Variants in BRAF observed in about 807,000 individuals in gnomAD.
The protein encoded by BRAF is serine/threonine-protein kinase B-raf.
A neutral mutation model predicts 104.6 loss-of-function variants in BRAF; 16 were observed. The ratio of observed to expected loss-of-function variants is 0.15; its 90% CI spans 0.10 to 0.23. BRAF has a LOEUF of 0.23. Ranked by LOEUF, BRAF falls within the 10% of genes least tolerant of loss-of-function variation. The pLI is 1.00. For synonymous variants in BRAF, 310 were observed against 341.6 expected (o/e 0.91, Z 1.02); for missense variants, 541 against 937.3 (o/e 0.58, Z 5.52).
chr7:140,850,100 C>G lies in BRAF; in HGVS notation c.240+11G>C. ...TTTCAAAATTACTAGATATGATACT[C>G]AAAAGCTTACCTCCAGATATATTGA... is the stretch of plus-strand genomic sequence containing the variant. On this transcript the variant is annotated intron_variant, in intron 2 of 19. Coordinates refer to ENST00000644969, the MANE Select transcript of BRAF (RefSeq NM_001374258.1). 6.3e-7 allele frequency: 1 copy of G among 1,576,592 alleles called. No individual in the cohort carries two copies. Among genetic ancestry groups the G allele is most frequent in the Non-Finnish European group, 8.7e-7 (1 of 1,148,748 alleles).
At chr7:140,749,972 A>T (rs1217407987) in intron 16 of BRAF, among the ~76,000 whole-genome samples, 1 of 152,226 alleles carries the variant, frequency 6.6e-6, no homozygotes, top group Admixed American at 6.5e-5. Flanking sequence ...CATGCCATGG[A>T]TGCTTTATTA....
intron 1 of BRAF, among the ~76,000 whole-genome samples, chr7:140,906,340 T>C (rs936567853): frequency 1.1e-4 from 17 of 152,160 alleles, no homozygotes; most frequent in African/African-American, 4.1e-4. Flanking sequence ...TAGCTGGGGC[T>C]ATGGGCATGC....
chr7:140,794,437 T>C lies in BRAF; in HGVS notation c.1011A>G (p.Ser337=). 1 of 1,614,110 alleles carries C rather than the reference T, an allele frequency of 6.2e-7. No homozygotes were observed. Among genetic ancestry groups the C allele is most frequent in the Non-Finnish European group, 8.5e-7 (1 of 1,180,008 alleles). Residue 337 remains serine, a synonymous_variant, in exon 8 of 20, where the codon TCA becomes TCG. Coordinates refer to ENST00000644969, the MANE Select transcript of BRAF (RefSeq NM_001374258.1). ...AGGGCTGTGGAATTGGAATGGATTT[T>C]GAAGGAGACGGACTGGTGAGAATTT... The part of the protein sequence containing the change: ...GPQILTSPSP[S]KSIPIPQPFR...
Position 140,800,480 on chromosome 7 carries a change from A to G in BRAF, c.862T>C (p.Leu288=), listed in dbSNP as rs773839216. 1 of 1,614,170 alleles carries G rather than the reference A, an allele frequency of 6.2e-7. No individual in the cohort carries two copies. ...TCAAAGAACTTGGAGACAAACAGCA[A>G]ACTGTGAGGCAAAACAAAACAAACC... The part of the protein sequence containing the change: ...LMCVNYDQLD[L]LFVSKFFEHH... Residue 288 remains leucine (L), a splice_region_variant and synonymous_variant, in exon 7 of 20, where the codon TTG becomes CTG. Transcript: ENST00000644969.
intron 14 of BRAF, chr7:140,773,236 T>A (rs1471072559): frequency 6.6e-6 from 1 of 152,202 alleles, no homozygotes; most frequent in Non-Finnish European, 1.5e-5. Context: ...TATCCAGCGA[T>A]ACTCTTACTT....
intron 9 of BRAF, among the ~76,000 whole-genome samples, chr7:140,787,162 G>A (rs866648411): frequency 2.6e-5 from 4 of 151,740 alleles, no homozygotes; most frequent in Non-Finnish European, 4.4e-5. Context: ...TTAGCCGGGC[G>A]TGGTAGCAGG....
chr7:140,793,551 T>A (rs56306802), intron 8 of BRAF, among the ~76,000 whole-genome samples: 1 of 152,106 alleles, frequency 6.6e-6, no homozygotes, highest in African/African-American at 2.4e-5. Context: ...GTTTCAATTA[T>A]ATGCTAATTT....
chr7:140,857,958 T>A (rs1379331702), intron 1 of BRAF, among the ~76,000 whole-genome samples: 1 of 152,172 alleles, frequency 6.6e-6, no homozygotes, highest in African/African-American at 2.4e-5. Context: ...AACTGAACTT[T>A]AAATGAAAAA....
intron 1 of BRAF, among the ~76,000 whole-genome samples, chr7:140,905,692 T>C (rs909375972): frequency 7.4e-6 from 1 of 135,774 alleles, no homozygotes; most frequent in Non-Finnish European, 1.7e-5. Context: ...TGGTTCTTTC[T>C]TTTCTTCACT....
intron 2 of BRAF, among the ~76,000 whole-genome samples, chr7:140,843,657 A>T (rs1808231177): frequency 6.6e-6 from 1 of 152,198 alleles, no homozygotes; most frequent in Non-Finnish European, 1.5e-5. Context: ...TATATATACA[A>T]CACATACATA....
intron 17 of BRAF, among the ~76,000 whole-genome samples, chr7:140,743,940 T>C (rs1797143826): frequency 6.6e-6 from 1 of 152,256 alleles, no homozygotes; most frequent in African/African-American, 2.4e-5. Flanking sequence ...AATGACAAGT[T>C]ACTATGTAAA....
intron 10 of BRAF, among the ~76,000 whole-genome samples, chr7:140,785,388 CCACT>C (rs1386205330): frequency 1.3e-5 from 2 of 152,256 alleles, no homozygotes; most frequent in South Asian, 2.1e-4. Context: ...TTATTCCCAC[CCACT>C]AAGTTTAAGA....
chr7:140,722,504 T>A lies in BRAF; in HGVS notation c.*3990A>T. The A allele has an allele frequency of 9.5e-7, 1 of 1,056,370 alleles. No individual in the cohort carries two copies. 65.4% of individuals were successfully genotyped at this position (1,056,370 alleles called of 1,614,324 possible). ...ACCTACACCATTTCAACTCATGACCTGTAAGCTATTTGCTGTTCATACTCA... is the reference window on the plus strand; with the variant it reads ...ACCTACACCATTTCAACTCATGACCAGTAAGCTATTTGCTGTTCATACTCA... On this transcript the variant is annotated 3_prime_UTR_variant, in exon 20 of 20. Coordinates refer to ENST00000644969, the MANE Select transcript of BRAF (RefSeq NM_001374258.1).
At chr7:140,772,105 G>C (rs1354604275) in intron 14 of BRAF, among the ~76,000 whole-genome samples, 1 of 152,116 alleles carries the variant, frequency 6.6e-6, no homozygotes, top group Non-Finnish European at 1.5e-5. Context: ...AATTAAAACA[G>C]AGAACCAAAC....
intron 1 of BRAF, among the ~76,000 whole-genome samples, chr7:140,879,619 T>C (rs1049581860): frequency 6.6e-6 from 1 of 151,216 alleles, no homozygotes; most frequent in African/African-American, 2.4e-5. Context: ...AACAATTACC[T>C]GGGCCTTCAA....
At chr7:140,884,433 G>A (rs953595130) in intron 1 of BRAF, among the ~76,000 whole-genome samples, 17 of 73,314 alleles carry the variant, frequency 2.3e-4, no homozygotes, top group African/African-American at 9.1e-4. Flanking sequence ...TAAGATATGT[G>A]TGTGTGTGTG....
intron 1 of BRAF, among the ~76,000 whole-genome samples, chr7:140,889,818 C>A (rs116488660): frequency 0.01 from 1,527 of 152,244 alleles, 30 homozygotes; most frequent in African/African-American, 0.035. Flanking sequence ...TTAATAATCT[C>A]ATGAAAACAG....
At chr7:140,754,686 A>C (rs1330607243) in intron 14 of BRAF, among the ~76,000 whole-genome samples, 1 of 152,192 alleles carries the variant, frequency 6.6e-6, no homozygotes, top group Non-Finnish European at 1.5e-5. Context: ...AAGCTTTCCC[A>C]TGACTAACCG....
rs370130654 is a variant in BRAF at position 140,783,132 on chromosome 7, G to A, written c.1323C>T (p.Thr441=). The change falls in exon 11 of 20, where the codon ACC becomes ACT. Residue 441 remains threonine (T), a synonymous_variant. Transcript: ENST00000644969. ...FRGSTTGLSA[T]PPASLPGSLT... is the part of the protein sequence containing the mutation. ...GTGAGCCAGGTAATGAGGCAGGGGG[G>A]GTAGCAGACAAACCTGTGGTTGATC... The A allele has an allele frequency of 5.5e-5, 88 of 1,613,880 alleles. No individual in the cohort carries two copies. Among genetic ancestry groups the A allele is most frequent in the Non-Finnish European group, 6.8e-5 (80 of 1,180,000 alleles).
Sources: allele counts gnomAD v4.1 joint callset (sites outside exome capture counted in the v4.1 genomes callset), GRCh38; gene constraint gnomAD v4.1.1; transcripts MANE v1.5; gene names NCBI Gene and HGNC (gene_info 2026-07-23, HGNC 2026-07-21).